AFF3: variants seen among roughly 807,000 people sequenced by gnomAD.
AFF3 encodes the protein ALF transcription elongation factor 3, also known as AF4/FMR2 family member 3.
AFF3 carries 32 observed loss-of-function variants against 129.7 expected under a neutral mutation model. The ratio of observed to expected loss-of-function variants is 0.25; its 90% CI spans 0.19 to 0.33. AFF3 has a LOEUF of 0.33. Among genes scored for constraint, AFF3 ranks in the 10% least tolerant of loss-of-function variants. The pLI is 1.00. For missense variants in AFF3, 1,373 were observed against 1,592.0 expected (o/e 0.86, Z 2.34); for synonymous variants, 644 against 635.4 (o/e 1.01, Z -0.20).
intron 1 of AFF3, among the ~76,000 whole-genome samples, chr2:100,130,108 C>T (rs186916920): frequency 8.5e-5 from 13 of 152,304 alleles, no homozygotes; most frequent in South Asian, 2.1e-4. Flanking sequence ...CTTTCAGTAG[C>T]TCCCTGTCAG....
chr2:99,560,268 G>A (rs1466883091), intron 21 of AFF3, 97 bp downstream of exon 21: 3 of 1,328,456 alleles, frequency 2.3e-6, no homozygotes, highest in African/African-American at 1.5e-5. Context: ...TTGTATGTTA[G>A]AAGACATTGG....
intron 8 of AFF3, among the ~76,000 whole-genome samples, chr2:99,832,733 T>G (rs1176518510): frequency 6.6e-6 from 1 of 152,228 alleles, no homozygotes; most frequent in Non-Finnish European, 1.5e-5. Context: ...TTGGCTAGAC[T>G]TATTGTAGGT....
At chr2:99,943,277 G>A (rs565704562) in intron 7 of AFF3, among the ~76,000 whole-genome samples, 21 of 152,312 alleles carry the variant, frequency 1.4e-4, no homozygotes, top group Non-Finnish European at 2.6e-4. Flanking sequence ...TCCCATGCGA[G>A]GGTCCATGAA....
chr2:99,724,271 C>CT lies in AFF3; in HGVS notation c.1091+2805dup, dbSNP rs58303232. Among the ~76,000 whole-genome samples the CT allele has an allele frequency of 3.4e-3, 230 of 66,858 alleles. 28 individuals are homozygous for CT. The highest frequency in any genetic ancestry group is 9.8e-3 in the African/African-American group (149 of 15,260). 43.9% of individuals were successfully genotyped at this position (66,858 alleles called of 152,430 possible). On this transcript the variant is annotated intron_variant, in intron 11 of 24. Coordinates refer to ENST00000672756, the MANE Select transcript of AFF3 (RefSeq NM_001386135.1). ...TCCTCACTTCAGTGGAATGACCTTT[C>CT]TTTTTTTTTTTTTTTTTTTGAGACA... is the stretch of plus-strand genomic sequence containing the variant.
At chr2:100,096,183 T>C (rs1373417762) in intron 4 of AFF3, among the ~76,000 whole-genome samples, 2 of 152,024 alleles carry the variant, frequency 1.3e-5, no homozygotes, top group African/African-American at 4.8e-5. Flanking sequence ...TGAGAGATTC[T>C]CCACAAATCC....
At chr2:99,824,134 A>G (rs1311065841) in intron 8 of AFF3, among the ~76,000 whole-genome samples, 1 of 149,614 alleles carries the variant, frequency 6.7e-6, no homozygotes, top group Non-Finnish European at 1.5e-5. Context: ...TTTTTTTTTG[A>G]GATGGAGTTT....
intron 2 of AFF3, among the ~76,000 whole-genome samples, chr2:100,118,955 C>A (rs554026841): frequency 6.6e-6 from 1 of 152,160 alleles, no homozygotes; most frequent in Non-Finnish European, 1.5e-5. Flanking sequence ...CGTGCGCCAC[C>A]ACACCCAGCT....
chr2:99,738,649 C>T (rs564375726), intron 10 of AFF3, among the ~76,000 whole-genome samples: 4 of 152,154 alleles, frequency 2.6e-5, no homozygotes, highest in East Asian at 1.9e-4. Flanking sequence ...AGGTAGTTGG[C>T]GTGGCTTTCC....
At chr2:99,992,190 T>A (rs963743133) in intron 7 of AFF3, among the ~76,000 whole-genome samples, 16 of 151,992 alleles carry the variant, frequency 1.1e-4, no homozygotes, top group African/African-American at 3.9e-4. Flanking sequence ...ATTTTATTTA[T>A]TTTTTTTACT....
At chr2:99,800,505 GTT>G (rs1282292742) in intron 8 of AFF3, among the ~76,000 whole-genome samples, 3 of 152,140 alleles carry the variant, frequency 2.0e-5, no homozygotes, top group African/African-American at 7.2e-5. Flanking sequence ...AGTTTAGTGG[GTT>G]TTTAAGAAAA....
intron 10 of AFF3, among the ~76,000 whole-genome samples, chr2:99,732,140 G>A (rs1348714887): frequency 6.6e-6 from 1 of 152,056 alleles, no homozygotes; most frequent in African/African-American, 2.4e-5. Flanking sequence ...AGATCACGAG[G>A]TCAGGAGATT....
chr2:99,955,670 A>G (rs1676573650), intron 7 of AFF3, among the ~76,000 whole-genome samples: 1 of 152,250 alleles, frequency 6.6e-6, no homozygotes, highest in South Asian at 2.1e-4. Context: ...CAAAAATAAC[A>G]TTCTGCAGAA....
intron 12 of AFF3, among the ~76,000 whole-genome samples, chr2:99,652,567 A>AT (rs2105651661): frequency 6.6e-6 from 1 of 152,316 alleles, no homozygotes; most frequent in East Asian, 1.9e-4. Flanking sequence ...GACAACTTCC[A>AT]TAAGTAATGC....
intron 4 of AFF3, among the ~76,000 whole-genome samples, chr2:100,020,014 C>T (rs1683456416): frequency 6.6e-6 from 1 of 152,158 alleles, no homozygotes; most frequent in Admixed American, 6.5e-5. Context: ...GATAGGCCCT[C>T]CCTGACCCTC....
rs1022739844 is a variant in AFF3 at position 100,088,208 on chromosome 2, T to A, written c.53+16194A>T. On this transcript the variant is annotated intron_variant, in intron 4 of 24. Coordinates refer to ENST00000672756, the MANE Select transcript of AFF3 (RefSeq NM_001386135.1). ...GAAAAAAAAATTAAAAGCAACCAGA[T>A]TGGAAAGGAAAAAGCAAAACTATCT... Among the ~76,000 whole-genome samples the A allele has an allele frequency of 2.0e-5, 3 of 151,068 alleles. No individual in the cohort carries two copies. The South Asian group carries it at 6.3e-4, about 32-fold the overall frequency.
intron 8 of AFF3, among the ~76,000 whole-genome samples, chr2:99,752,938 T>C (rs1334166847): frequency 6.6e-6 from 1 of 152,090 alleles, no homozygotes; most frequent in African/African-American, 2.4e-5. Flanking sequence ...CTCTAAGCCT[T>C]GGGAAAGGGA....
intron 8 of AFF3, among the ~76,000 whole-genome samples, chr2:99,813,177 C>G (rs1285525027): frequency 6.6e-6 from 1 of 152,084 alleles, no homozygotes; most frequent in Admixed American, 6.6e-5. Context: ...GGGTTGCAGG[C>G]AGAGGTTGGA....
intron 15 of AFF3, 64 bp downstream of exon 15, chr2:99,593,131 C>A (rs951752181): frequency 5.9e-5 from 89 of 1,508,786 alleles, no homozygotes; most frequent in Non-Finnish European, 7.3e-5. Context: ...ATCCAAGTAC[C>A]CACAAGTTAA....
chr2:99,788,801 G>A (rs951622800), intron 8 of AFF3, among the ~76,000 whole-genome samples: 8 of 152,076 alleles, frequency 5.3e-5, no homozygotes, highest in African/African-American at 1.9e-4. Context: ...AGCTCCTTTC[G>A]TGGTAAGGGT....
Sources: allele counts gnomAD v4.1 joint callset (sites outside exome capture counted in the v4.1 genomes callset), GRCh38; gene constraint gnomAD v4.1.1; transcripts MANE v1.5; gene names NCBI Gene and HGNC (gene_info 2026-07-23, HGNC 2026-07-21).